The following VPS13B variants were observed in gnomAD, a reference collection of about 807,000 sequenced individuals.
The protein encoded by VPS13B is vacuolar protein sorting 13 homolog B.
A neutral mutation model predicts 426.4 loss-of-function variants in VPS13B; 285 were observed. The observed-to-expected ratio is 0.67, with a 90% CI of 0.61 to 0.74. The LOEUF (loss-of-function observed/expected upper bound fraction) is 0.74. VPS13B is among the 30% of genes least tolerant of loss of function. The probability of loss-of-function intolerance (pLI) is 0.00; values close to 1 mark genes in which losing one functional copy is unlikely to be tolerated. For missense variants in VPS13B, 4,537 were observed against 4,782.6 expected (o/e 0.95, Z 1.51); for synonymous variants, 1,676 against 1,676.4 (o/e 1.00, Z 0.01).
chr8:99,264,783 A>G (rs1382476754), intron 17 of VPS13B, among the ~76,000 whole-genome samples: 1 of 151,906 alleles, frequency 6.6e-6, no homozygotes, highest in Admixed American at 6.6e-5. Context: ...CTCCTTTTCT[A>G]CAGTTTTGGA....
At chr8:99,818,416 G>A in intron 45 of VPS13B, 35 bp from the exon 46 acceptor site, 1 of 1,581,282 alleles carries the variant, frequency 6.3e-7, no homozygotes. Flanking sequence ...AAACTGCTTA[G>A]TATTCAATAG....
At chr8:99,368,733 A>G (rs939302252) in intron 19 of VPS13B, among the ~76,000 whole-genome samples, 3 of 152,160 alleles carry the variant, frequency 2.0e-5, no homozygotes, top group Admixed American at 6.5e-5. Context: ...TCCATAGTCC[A>G]TGCTCCATTC....
At chr8:99,326,879 C>CTCTG (rs1337256519) in intron 19 of VPS13B, among the ~76,000 whole-genome samples, 1 of 152,096 alleles carries the variant, frequency 6.6e-6, no homozygotes, top group Non-Finnish European at 1.5e-5. Context: ...TTGTGTTTGC[C>CTCTG]TCTGGCATTC....
At chr8:99,133,295 T>C (rs2132550423) in intron 8 of VPS13B, among the ~76,000 whole-genome samples, 1 of 152,364 alleles carries the variant, frequency 6.6e-6, no homozygotes, top group Non-Finnish European at 1.5e-5. Context: ...CTCCTGCAGC[T>C]TTCTTACGTC....
intron 19 of VPS13B, among the ~76,000 whole-genome samples, chr8:99,383,879 T>G (rs1332377468): frequency 6.6e-6 from 1 of 152,234 alleles, no homozygotes. Context: ...AAATTTATAT[T>G]GATTTCACTT....
intron 23 of VPS13B, among the ~76,000 whole-genome samples, chr8:99,453,654 C>T (rs752115291): frequency 6.6e-6 from 1 of 152,270 alleles, no homozygotes; most frequent in Non-Finnish European, 1.5e-5. Flanking sequence ...CTCCCCACCA[C>T]ACTTATTTTA....
At chr8:99,690,786 A>G (rs944373757) in intron 35 of VPS13B, among the ~76,000 whole-genome samples, 1 of 152,222 alleles carries the variant, frequency 6.6e-6, no homozygotes. Context: ...AATTAGGGAA[A>G]TACAAATCAA....
At chr8:99,545,221 T>C (rs899668434) in intron 30 of VPS13B, among the ~76,000 whole-genome samples, 5 of 152,244 alleles carry the variant, frequency 3.3e-5, no homozygotes, top group African/African-American at 9.6e-5. Context: ...ATTCCTTCTG[T>C]TGGTGGAGAT....
In VPS13B at chr8:99,853,606, C is replaced by T. The variant is rs778642840; in HGVS notation, c.10217C>T (p.Pro3406Leu). Reference protein sequence around the residue: ...LCVAPGAGPLPGEEPVAALFE... With the variant: ...LCVAPGAGPLLGEEPVAALFE... The stretch of plus-strand genomic sequence containing the variant: ...GTGGCCCCGGGAGCTGGTCCCCTCC[C>T]TGGGGAAGAGCCTGTGGCTGCGTTG... Residue 3406 changes from proline (P) to leucine (L), a missense_variant, in exon 56 of 62, where the codon CCT (proline) becomes CTT (leucine). Coordinates refer to ENST00000357162, the MANE Select transcript of VPS13B (RefSeq NM_152564.5). The T allele has an allele frequency of 3.1e-6, 5 of 1,614,084 alleles. No homozygotes were observed. Among genetic ancestry groups the T allele is most frequent in the Non-Finnish European group, 4.2e-6 (5 of 1,180,036 alleles).
intron 35 of VPS13B, among the ~76,000 whole-genome samples, chr8:99,673,650 CTTTG>C (rs1490345024): frequency 6.6e-6 from 1 of 151,576 alleles, no homozygotes; most frequent in Admixed American, 6.6e-5. Context: ...TAATTTGGGG[CTTTG>C]TTTGTTCTTG....
At chr8:99,343,055 A>G (rs1326936616) in intron 19 of VPS13B, among the ~76,000 whole-genome samples, 2 of 150,286 alleles carry the variant, frequency 1.3e-5, no homozygotes, top group Non-Finnish European at 3.0e-5. Flanking sequence ...CTTTTGAGAG[A>G]CACAAATGGC....
intron 35 of VPS13B, among the ~76,000 whole-genome samples, chr8:99,674,788 A>G (rs551838507): frequency 7.2e-5 from 11 of 152,210 alleles, no homozygotes; most frequent in African/African-American, 2.6e-4. Flanking sequence ...ATAACAGGTT[A>G]TTTTAAGCTA....
chr8:99,255,229 A>C (rs1588178147), intron 17 of VPS13B, among the ~76,000 whole-genome samples: 1 of 151,218 alleles, frequency 6.6e-6, no homozygotes, highest in Non-Finnish European at 1.5e-5. Context: ...GTCGTTGTCC[A>C]TTTTCTTCTC....
At chr8:99,104,436 C>T (rs1846931717) in intron 5 of VPS13B, among the ~76,000 whole-genome samples, 1 of 152,090 alleles carries the variant, frequency 6.6e-6, no homozygotes, top group Non-Finnish European at 1.5e-5. Context: ...TGAAAGGCAT[C>T]ATGTTTCATT....
intron 15 of VPS13B, among the ~76,000 whole-genome samples, chr8:99,159,856 G>A (rs1177361991): frequency 6.6e-6 from 1 of 152,034 alleles, no homozygotes; most frequent in Non-Finnish European, 1.5e-5. Flanking sequence ...ATGGGGTTTT[G>A]CCATGTTGCC....
intron 3 of VPS13B, among the ~76,000 whole-genome samples, chr8:99,064,526 A>C (rs1844368845): frequency 6.6e-6 from 1 of 152,212 alleles, no homozygotes; most frequent in African/African-American, 2.4e-5. Flanking sequence ...AGATCGAATT[A>C]ATGAAATAAA....
Position 99,275,129 on chromosome 8 carries a change from A to G in VPS13B, c.2699A>G (p.Asp900Gly). 1 of 1,611,838 alleles carries G rather than the reference A, an allele frequency of 6.2e-7. No homozygotes were observed. The highest frequency in any genetic ancestry group is 8.5e-7 in the Non-Finnish European group (1 of 1,178,978). Residue 900 changes from aspartate to glycine, a missense_variant, in exon 19 of 62, where the codon GAC becomes GGC. By Grantham distance (94) the Asp-to-Gly change is moderately conservative. This residue lies in a region of VPS13B where 4,311 missense variants were observed against 4,474.3 expected (regional missense o/e 0.96). Coordinates refer to ENST00000357162, the MANE Select transcript of VPS13B (RefSeq NM_152564.5). Reference protein sequence around the residue: ...KLIPLLQGPSDTKDLHSTKWL... With the variant: ...KLIPLLQGPSGTKDLHSTKWL... ...ATTCCCTTGCTTCAGGGTCCTTCTG[A>G]CACTAAAGACCTTCATAGCACCAAG... is the stretch of plus-strand genomic sequence containing the variant.
At chr8:99,719,347 C>T (rs1454912260) in intron 37 of VPS13B, among the ~76,000 whole-genome samples, 1 of 152,160 alleles carries the variant, frequency 6.6e-6, no homozygotes, top group East Asian at 1.9e-4. Context: ...TTCTACTCCC[C>T]GTTTGACTTT....
intron 17 of VPS13B, among the ~76,000 whole-genome samples, chr8:99,211,493 T>C (rs764978625): frequency 2.6e-5 from 4 of 152,192 alleles, no homozygotes; most frequent in Non-Finnish European, 5.9e-5. Flanking sequence ...AGGATCCTTC[T>C]TGGTAGATTT....
Sources: allele counts gnomAD v4.1 joint callset (sites outside exome capture counted in the v4.1 genomes callset), GRCh38; gene constraint gnomAD v4.1.1; regional missense constraint gnomAD v4.1.1; transcripts MANE v1.5; gene names NCBI Gene and HGNC (gene_info 2026-07-23, HGNC 2026-07-21).